Variants in ELF1 observed in about 807,000 individuals in gnomAD.
ELF1 encodes the protein ETS-related transcription factor Elf-1.
In ELF1, 24 loss-of-function variants were observed where a neutral mutation model predicts 59.9. The ratio of observed to expected loss-of-function variants is 0.40; its 90% CI spans 0.29 to 0.56. The LOEUF (loss-of-function observed/expected upper bound fraction) is 0.56, where lower values mean the gene tolerates loss of function less well. ELF1 is among the 20% of genes least tolerant of loss of function. ELF1 has a pLI of 0.44. For synonymous variants in ELF1, 248 were observed against 266.2 expected (o/e 0.93, Z 0.67); for missense variants, 627 against 742.2 (o/e 0.84, Z 1.80).
intron 2 of ELF1, among the ~76,000 whole-genome samples, chr13:40,964,997 G>GA (rs921670192): frequency 1.4e-4 from 22 of 152,310 alleles, no homozygotes; most frequent in African/African-American, 5.3e-4. Context: ...ATATGAATTG[G>GA]TGTGTGGGTG....
At position 41,002,620 on chromosome 13, in the gene ELF1, A is replaced by AAAAT. The variant is rs143879156; in HGVS notation, c.-229+16604_-229+16607dup. On this transcript the variant is annotated intron_variant, in intron 1 of 8. Coordinates refer to ENST00000239882, the MANE Select transcript of ELF1 (RefSeq NM_172373.4). ...AAAAAAAGGCAAGTCCCATCTCAAA[A>AAAAT]AAATAAATAAATAAATAAATCAGTG... is the stretch of plus-strand genomic sequence containing the variant. Among the ~76,000 whole-genome samples, 1,479 of 151,726 alleles carry AAAAT rather than the reference A, an allele frequency of 9.7e-3. 35 individuals carry two copies. The highest frequency in any genetic ancestry group is 0.034 in the African/African-American group (1,396 of 41,266).
intron 2 of ELF1, among the ~76,000 whole-genome samples, chr13:40,979,820 C>T (rs1873153018): frequency 6.6e-6 from 1 of 152,142 alleles, no homozygotes; most frequent in African/African-American, 2.4e-5. Flanking sequence ...ATACTAGTTT[C>T]TTCTGGGAAG....
At position 41,057,083 on chromosome 13, in the gene ELF1, T is replaced by C. The variant is rs2324780; in HGVS notation, c.-229+3755A>G. Among the ~76,000 whole-genome samples the C allele has an allele frequency of 9.6e-4, 146 of 152,212 alleles. 3 individuals are homozygous for C. The highest frequency in any genetic ancestry group is 4.6e-4 in the Admixed American group (7 of 15,278). On this transcript the variant is annotated intron_variant, in intron 1 of 1. Coordinates refer to the ELF1 transcript ENST00000405737. Reference sequence around the variant, plus strand: ...ATTTTAGCTGAAATGCAGTAATTGCTTTAAAATCCCTTCTACTTCTTTAAA... The same window carrying C: ...ATTTTAGCTGAAATGCAGTAATTGCCTTAAAATCCCTTCTACTTCTTTAAA...
At chr13:41,059,741 A>G (rs1258927739) in intron 1 of ELF1, among the ~76,000 whole-genome samples, 1 of 152,210 alleles carries the variant, frequency 6.6e-6, no homozygotes, top group Non-Finnish European at 1.5e-5. Context: ...CCTTCTTTGT[A>G]ATAAACACAG....
At chr13:40,978,792 CAAA>C (rs201877250) in intron 2 of ELF1, among the ~76,000 whole-genome samples, 1 of 107,334 alleles carries the variant, frequency 9.3e-6, no homozygotes. Flanking sequence ...AAAGACTGGC[CAAA>C]AAAAAAAAAA....
Position 40,958,950 on chromosome 13 carries a change from T to C in ELF1, c.139A>G (p.Ser47Gly), listed in dbSNP as rs1194037303. 2 of 1,613,592 alleles carry C rather than the reference T, an allele frequency of 1.2e-6. No individual in the cohort carries two copies. Among genetic ancestry groups the C allele is most frequent in the Non-Finnish European group, 1.7e-6 (2 of 1,179,896 alleles). ...EHVPGADILN[S>G]YAGLACVEEP... Reference sequence around the variant, plus strand: ...TCCACACAGGCTAGACCGGCATAACTATTGAGAATATCAGCACCAGGAACA... The same window carrying C: ...TCCACACAGGCTAGACCGGCATAACCATTGAGAATATCAGCACCAGGAACA... The change falls in exon 3 of 9, where the codon AGT (serine) becomes GGT (glycine). Residue 47 changes from serine (S) to glycine (G), a missense_variant. This residue lies in a region of ELF1 where 232 missense variants were observed against 269.2 expected (regional missense o/e 0.86). Coordinates refer to ENST00000239882, the MANE Select transcript of ELF1 (RefSeq NM_172373.4).
chr13:40,977,795 A>C (rs1288593066), intron 2 of ELF1, among the ~76,000 whole-genome samples: 1 of 152,220 alleles, frequency 6.6e-6, no homozygotes, highest in African/African-American at 2.4e-5. Context: ...ATCGGATATC[A>C]AATCTATAAA....
At chr13:40,942,874 G>A in intron 7 of ELF1, 78 bp downstream of exon 7, 1 of 1,378,524 alleles carries the variant, frequency 7.3e-7, no homozygotes, top group East Asian at 2.4e-5. Context: ...GTGCTTTGCT[G>A]AACTTAAGCT....
chr13:41,003,150 A>C (rs1226928376), intron 1 of ELF1, among the ~76,000 whole-genome samples: 1 of 152,184 alleles, frequency 6.6e-6, no homozygotes, highest in Non-Finnish European at 1.5e-5. Flanking sequence ...GCTAAGCTTC[A>C]CTGACTATTG....
chr13:40,963,966 T>A (rs528900121), intron 2 of ELF1, among the ~76,000 whole-genome samples: 1 of 151,710 alleles, frequency 6.6e-6, no homozygotes, highest in Non-Finnish European at 1.5e-5. Context: ...AATCTGTATA[T>A]ACAAAATACA....
At chr13:40,955,137 G>A (rs369434138) in intron 3 of ELF1, among the ~76,000 whole-genome samples, 4 of 149,550 alleles carry the variant, frequency 2.7e-5, no homozygotes, top group Admixed American at 1.3e-4. Flanking sequence ...CCTGGCAACC[G>A]CCGCGTCTGA....
chr13:41,033,094 G>A (rs990933697), intron 1 of ELF1, among the ~76,000 whole-genome samples: 1 of 152,110 alleles, frequency 6.6e-6, no homozygotes, highest in Non-Finnish European at 1.5e-5. Flanking sequence ...GGAATTTTAG[G>A]ACACGTTAAA....
At chr13:41,046,771 G>C (rs1876864352) in intron 1 of ELF1, among the ~76,000 whole-genome samples, 1 of 152,100 alleles carries the variant, frequency 6.6e-6, no homozygotes, top group South Asian at 2.1e-4. Context: ...TCTTAGAGTT[G>C]CTCTTCTCAA....
chr13:41,051,024 T>C (rs1233822555), intron 1 of ELF1, among the ~76,000 whole-genome samples: 1 of 152,228 alleles, frequency 6.6e-6, no homozygotes, highest in Non-Finnish European at 1.5e-5. Context: ...GAGTATCAGG[T>C]TGTGACTGCT....
At chr13:40,989,048 T>C (rs1311946239) in intron 1 of ELF1, among the ~76,000 whole-genome samples, 1 of 152,230 alleles carries the variant, frequency 6.6e-6, no homozygotes, top group Non-Finnish European at 1.5e-5. Flanking sequence ...TCTGCCCACC[T>C]GAGCCTCCCA....
At chr13:40,966,681 T>C (rs1418514388) in intron 2 of ELF1, among the ~76,000 whole-genome samples, 2 of 152,200 alleles carry the variant, frequency 1.3e-5, no homozygotes, top group East Asian at 3.8e-4. Flanking sequence ...TTTTTGGGTA[T>C]CAAAAAGCAC....
At position 40,988,247 on chromosome 13, in the gene ELF1, G is replaced by T. The variant is rs545771395; in HGVS notation, c.-228-5965C>A. 2.9e-4 allele frequency among the ~76,000 whole-genome samples: 44 copies of T among 152,244 alleles called. No homozygotes were observed. In the South Asian group the frequency reaches 8.5e-3, roughly 29 times the overall value. On this transcript the variant is annotated intron_variant, in intron 1 of 8. Transcript: ENST00000239882. ...ATATTAGAGCTGAAAAAGATCTAAG[G>T]ATTACCTAGGACAACATATTCACTG...
chr13:41,012,975 A>T (rs1403833678), intron 1 of ELF1, among the ~76,000 whole-genome samples: 11 of 152,154 alleles, frequency 7.2e-5, no homozygotes, highest in Non-Finnish European at 1.6e-4. Flanking sequence ...ATTTATTAAA[A>T]TTTATTTTTT....
intron 1 of ELF1, among the ~76,000 whole-genome samples, chr13:41,044,190 T>C (rs1258076776): frequency 3.3e-5 from 5 of 152,208 alleles, no homozygotes; most frequent in African/African-American, 9.7e-5. Context: ...CTTAAGGAGA[T>C]TTTGGGCTGA....
Sources: allele counts gnomAD v4.1 joint callset (sites outside exome capture counted in the v4.1 genomes callset), GRCh38; gene constraint gnomAD v4.1.1; regional missense constraint gnomAD v4.1.1; transcripts MANE v1.5; gene names NCBI Gene and HGNC (gene_info 2026-07-23, HGNC 2026-07-21).